Variants in TJP2 observed in about 807,000 individuals in gnomAD.
TJP2 encodes the protein Friedreich ataxia region gene X104 (tight junction protein ZO-2).
A neutral mutation model predicts 133.1 loss-of-function variants in TJP2; 91 were observed. The ratio of observed to expected loss-of-function variants is 0.68; its 90% CI spans 0.58 to 0.81. TJP2 has a LOEUF of 0.81. Ranked by LOEUF, TJP2 falls within the 40% of genes least tolerant of loss-of-function variation. The pLI is 0.00. For missense variants in TJP2, 1,541 were observed against 1,565.6 expected (o/e 0.98, Z 0.26); for synonymous variants, 592 against 583.4 (o/e 1.01, Z -0.21).
At chr9:69,175,798 T>C (rs188584784) in intron 1 of TJP2, among the ~76,000 whole-genome samples, 1 of 152,110 alleles carries the variant, frequency 6.6e-6, no homozygotes, top group South Asian at 2.1e-4. Context: ...TTGAGGTGTT[T>C]CTTGTGTTTT....
intron 22 of TJP2, 163 bp downstream of exon 22, chr9:69,253,063 TAC>T: frequency 3.0e-6 from 2 of 675,034 alleles, no homozygotes; most frequent in Non-Finnish European, 5.2e-6. Flanking sequence ...TTGTAAAGAT[TAC>T]AGAGTCAAAA....
chr9:69,223,069 G>GGAAAA lies in TJP2; in HGVS notation c.952+1573_952+1574insGAAAA, dbSNP rs1405334479. Among the ~76,000 whole-genome samples, 93 of 114,114 alleles carry GGAAAA rather than the reference G, an allele frequency of 8.1e-4. 1 individual carries two copies. Among genetic ancestry groups the GGAAAA allele is most frequent in the Admixed American group, 2.5e-3 (24 of 9,504 alleles). The allele number at this position is 114,114 out of a possible 152,430, so 74.9% of individuals were successfully genotyped here. ...GGGTGACAGAGCGAGACTCTGTCTT[G>GGAAAA]AAAAAAAAAAAAAAAAAAAAAAGAA... On this transcript the variant is annotated intron_variant, in intron 5 of 22. Coordinates refer to ENST00000377245, the MANE Select transcript of TJP2 (RefSeq NM_004817.4).
intron 1 of TJP2, among the ~76,000 whole-genome samples, chr9:69,199,389 G>C (rs1454146652): frequency 6.6e-6 from 1 of 152,068 alleles, no homozygotes; most frequent in East Asian, 1.9e-4. Context: ...AATTAGCCAG[G>C]TGTGGTGGCA....
At chr9:69,216,814 A>G (rs1464941373) in intron 3 of TJP2, among the ~76,000 whole-genome samples, 2 of 152,138 alleles carry the variant, frequency 1.3e-5, no homozygotes, top group East Asian at 1.9e-4. Flanking sequence ...GTTTTAATTT[A>G]TATTCTTTAA....
chr9:69,227,761 C>T lies in TJP2; in HGVS notation c.1211-4C>T, dbSNP rs1051968602. The T allele has an allele frequency of 3.2e-6, 5 of 1,567,022 alleles. No homozygotes were observed. The African/African-American group carries it at 5.4e-5, about 17-fold the overall frequency. On this transcript the variant is annotated splice_region_variant and splice_polypyrimidine_tract_variant and intron_variant, in intron 7 of 22. Transcript: ENST00000377245. ...TAAAAGTCTTTTCTTATTTTTGAAACTAGATATTTCAGAAATAGAGTCAAA... is the reference window on the plus strand; with the variant it reads ...TAAAAGTCTTTTCTTATTTTTGAAATTAGATATTTCAGAAATAGAGTCAAA...
chr9:69,149,373 A>G (rs1823361792), intron 1 of TJP2, among the ~76,000 whole-genome samples: 1 of 152,214 alleles, frequency 6.6e-6, no homozygotes, highest in Non-Finnish European at 1.5e-5. Flanking sequence ...TATCTTTGGA[A>G]GTAATAATAG....
intron 1 of TJP2, among the ~76,000 whole-genome samples, chr9:69,149,834 T>C (rs943521500): frequency 2.0e-5 from 3 of 152,166 alleles, no homozygotes; most frequent in African/African-American, 7.2e-5. Flanking sequence ...TCTTTCCTGC[T>C]GGTGAGCAAC....
At chr9:69,148,911 GAGAA>G (rs1291481337) in intron 1 of TJP2, among the ~76,000 whole-genome samples, 1 of 152,134 alleles carries the variant, frequency 6.6e-6, no homozygotes, top group African/African-American at 2.4e-5. Context: ...AGCCACAATG[GAGAA>G]AGATAGAATA....
At chr9:69,210,620 T>C (rs1299248268) in intron 1 of TJP2, among the ~76,000 whole-genome samples, 2 of 152,190 alleles carry the variant, frequency 1.3e-5, no homozygotes, top group Non-Finnish European at 2.9e-5. Flanking sequence ...CTTCATTTAA[T>C]CTAAATCTTG....
intron 1 of TJP2, among the ~76,000 whole-genome samples, chr9:69,202,784 A>G (rs1827090272): frequency 6.6e-6 from 1 of 152,046 alleles, no homozygotes; most frequent in South Asian, 2.1e-4. Context: ...AAGGGGAGGC[A>G]GGGGAGGCAG....
intron 10 of TJP2, among the ~76,000 whole-genome samples, 189 bp from the exon 11 acceptor site, chr9:69,229,893 A>T (rs1267598907): frequency 6.6e-6 from 1 of 152,210 alleles, no homozygotes; most frequent in Non-Finnish European, 1.5e-5. Context: ...GGACCTACTG[A>T]TACTCATCTC....
upstream of TJP2, among the ~76,000 whole-genome samples, chr9:69,172,260 A>G (rs973185157): frequency 1.3e-5 from 2 of 152,222 alleles, no homozygotes; most frequent in Non-Finnish European, 2.9e-5. Flanking sequence ...TCTAACAACC[A>G]TTTACTGAAT....
chr9:69,142,194 G>C (rs1446462905), intron 1 of TJP2, among the ~76,000 whole-genome samples: 1 of 152,192 alleles, frequency 6.6e-6, no homozygotes, highest in Non-Finnish European at 1.5e-5. Flanking sequence ...ATAGATACTG[G>C]GTTGTGCCAG....
At chr9:69,233,409 A>G (rs926777433) in intron 11 of TJP2, among the ~76,000 whole-genome samples, 1 of 152,266 alleles carries the variant, frequency 6.6e-6, no homozygotes, top group Admixed American at 6.5e-5. Context: ...TATTATTAAC[A>G]TATCAGGTAC....
chr9:69,195,942 AC>A (rs1454818887), intron 1 of TJP2, among the ~76,000 whole-genome samples: 2 of 152,228 alleles, frequency 1.3e-5, no homozygotes, highest in Non-Finnish European at 2.9e-5. Context: ...GTGCCCAAGC[AC>A]CAACAATCAT....
chr9:69,238,043 GA>G, intron 15 of TJP2, 70 bp downstream of exon 15: 1 of 1,137,732 alleles, frequency 8.8e-7, no homozygotes, highest in Non-Finnish European at 1.3e-6. Context: ...GGAGTTGGAA[GA>G]ATCATGAACA....
At chr9:69,121,465 C>A, upstream of TJP2, 1 of 497,546 alleles carries the variant, frequency 2.0e-6, no homozygotes, top group Non-Finnish European at 2.6e-6. Flanking sequence ...TTTTCCCCTT[C>A]TCTCAAACCT....
At chr9:69,250,710 T>C (rs1306791718) in intron 20 of TJP2, among the ~76,000 whole-genome samples, 1 of 152,220 alleles carries the variant, frequency 6.6e-6, no homozygotes, top group Non-Finnish European at 1.5e-5. Flanking sequence ...TGAATTGTTC[T>C]GAGATCTTCT....
At chr9:69,174,250 G>C, upstream of TJP2, 1 of 1,517,966 alleles carries the variant, frequency 6.6e-7, no homozygotes, top group Non-Finnish European at 8.9e-7. Context: ...CCCGCGGGTC[G>C]GCACCCCGGC....
Sources: gnomAD v4.1 joint callset for allele counts (sites outside exome capture counted in the v4.1 genomes callset) on GRCh38, gnomAD v4.1.1 for gene constraint, MANE v1.5 for transcripts, NCBI Gene and HGNC (gene_info 2026-07-23, HGNC 2026-07-21) for gene names.